ARHGAP20: variants seen among roughly 807,000 people sequenced by gnomAD.
ARHGAP20 encodes the protein rho GTPase-activating protein 20.
In ARHGAP20, 34 loss-of-function variants were observed where a neutral mutation model predicts 73.7. The observed-to-expected ratio is 0.46, with a 90% confidence interval of 0.35 to 0.61. The LOEUF is 0.61. Among genes scored for constraint, ARHGAP20 ranks in the 20% least tolerant of loss-of-function variants. The pLI is 0.00. For synonymous variants in ARHGAP20, 523 were observed against 518.2 expected (o/e 1.01, Z -0.13); for missense variants, 1,314 against 1,420.9 (o/e 0.92, Z 1.21).
intron 2 of ARHGAP20, among the ~76,000 whole-genome samples, chr11:110,663,384 A>G (rs911346015): frequency 2.0e-5 from 3 of 150,226 alleles, no homozygotes; most frequent in Admixed American, 6.7e-5. Flanking sequence ...CATTAATACT[A>G]TAATTACTAA....
intron 12 of ARHGAP20, among the ~76,000 whole-genome samples, chr11:110,585,839 G>C (rs1461056777): frequency 6.6e-6 from 1 of 152,088 alleles, no homozygotes; most frequent in Non-Finnish European, 1.5e-5. Context: ...TACCTTACCA[G>C]ACTGAGTTCC....
At chr11:110,664,642 G>A (rs1414308031) in intron 2 of ARHGAP20, among the ~76,000 whole-genome samples, 1 of 150,598 alleles carries the variant, frequency 6.6e-6, no homozygotes, top group Non-Finnish European at 1.5e-5. Context: ...GCAGGAGAAT[G>A]GCGTGAACCC....
At chr11:110,648,205 ATGTAAATATATATATG>A (rs1391613732) in intron 2 of ARHGAP20, among the ~76,000 whole-genome samples, 1 of 68,498 alleles carries the variant, frequency 1.5e-5, no homozygotes, top group African/African-American at 7.7e-5. Context: ...ATATATATAT[ATGTAAATATATATATG>A]TATATATATA....
chr11:110,711,222 G>A (rs927678725), intron 1 of ARHGAP20, among the ~76,000 whole-genome samples: 26 of 152,092 alleles, frequency 1.7e-4, no homozygotes, highest in Admixed American at 1.7e-3. Flanking sequence ...CAGCGGCCGT[G>A]TTTATCGGAA....
intron 2 of ARHGAP20, among the ~76,000 whole-genome samples, chr11:110,677,788 T>G (rs1420795956): frequency 6.6e-6 from 1 of 152,104 alleles, no homozygotes; most frequent in Non-Finnish European, 1.5e-5. Context: ...TGGTGGGAAT[T>G]TAGAATGGTG....
In ARHGAP20 at chr11:110,712,254, C is replaced by T; in HGVS notation, c.-23G>A. 1 of 1,321,852 alleles carries T rather than the reference C, an allele frequency of 7.6e-7. No homozygotes were observed. The highest frequency in any genetic ancestry group is 2.4e-5 in the South Asian group (1 of 41,428). 81.9% of individuals were successfully genotyped at this position (1,321,852 alleles called of 1,614,324 possible). On this transcript the variant is annotated 5_prime_UTR_variant, in exon 1 of 15. Coordinates refer to ENST00000683387, the MANE Select transcript of ARHGAP20 (RefSeq NM_001384657.1). ...CATGAAGAAAATCTTCAAACAAATC[C>T]CAGCCCAGGAGGAGGCTACACGATC...
intron 2 of ARHGAP20, among the ~76,000 whole-genome samples, chr11:110,678,269 G>T (rs1294063322): frequency 1.3e-5 from 2 of 152,206 alleles, no homozygotes; most frequent in Non-Finnish European, 2.9e-5. Flanking sequence ...CTTTTTTGGG[G>T]ATGAAAATGA....
intron 2 of ARHGAP20, among the ~76,000 whole-genome samples, chr11:110,684,894 A>C (rs530895111): frequency 6.6e-6 from 1 of 151,526 alleles, no homozygotes; most frequent in Non-Finnish European, 1.5e-5. Flanking sequence ...TGAAAACAAA[A>C]GACACTAGGG....
Position 110,580,654 on chromosome 11 carries a change from G to C in ARHGAP20, c.2292C>G (p.Gly764=). The C allele has an allele frequency of 6.2e-7, 1 of 1,614,214 alleles. No homozygotes were observed. The highest frequency in any genetic ancestry group is 1.1e-5 in the South Asian group (1 of 91,080). The part of the protein sequence containing the change: ...KTCFKQSLVT[G]TDVSKKNATT... ...TGGCATTTTTCTTGCTGACATCAGT[G>C]CCTGTGACTAAACTCTGTTTAAAAC... Residue 764 remains glycine, a synonymous_variant, in exon 15 of 15, where the codon GGC becomes GGG. Transcript: ENST00000683387.
chr11:110,608,666 A>G (rs747314255), intron 8 of ARHGAP20, among the ~76,000 whole-genome samples: 3 of 152,292 alleles, frequency 2.0e-5, no homozygotes, highest in Non-Finnish European at 4.4e-5. Flanking sequence ...ATGTATGGAG[A>G]AAAATAAATA....
intron 2 of ARHGAP20, among the ~76,000 whole-genome samples, chr11:110,669,757 C>A (rs971287645): frequency 1.3e-5 from 2 of 152,010 alleles, no homozygotes; most frequent in Admixed American, 6.6e-5. Context: ...TTTGGCAGTT[C>A]GTAATATATA....
chr11:110,584,905 G>C (rs1165640702), intron 12 of ARHGAP20, among the ~76,000 whole-genome samples: 1 of 135,866 alleles, frequency 7.4e-6, no homozygotes, highest in Non-Finnish European at 1.6e-5. Context: ...GAATATATGT[G>C]AATATATATA....
intron 1 of ARHGAP20, among the ~76,000 whole-genome samples, chr11:110,711,024 A>C (rs1950640765): frequency 1.4e-5 from 2 of 147,428 alleles, no homozygotes; most frequent in African/African-American, 5.3e-5. Context: ...AAAAAAAGGC[A>C]AAATATCGGA....
chr11:110,681,315 T>C (rs994428319), intron 2 of ARHGAP20, among the ~76,000 whole-genome samples: 2 of 152,218 alleles, frequency 1.3e-5, no homozygotes, highest in African/African-American at 4.8e-5. Flanking sequence ...AAACCATACC[T>C]AGGTATAGAA....
intron 2 of ARHGAP20, among the ~76,000 whole-genome samples, chr11:110,678,354 T>A (rs1164684090): frequency 2.0e-5 from 3 of 152,240 alleles, no homozygotes; most frequent in Non-Finnish European, 4.4e-5. Flanking sequence ...ACTGGTGAAT[T>A]ATACCATAAG....
intron 4 of ARHGAP20, among the ~76,000 whole-genome samples, chr11:110,619,851 G>C (rs1182585827): frequency 6.6e-6 from 1 of 152,118 alleles, no homozygotes; most frequent in Non-Finnish European, 1.5e-5. Context: ...TGTAGTGATA[G>C]AGATGAAACT....
chr11:110,677,299 G>C (rs186282812), intron 2 of ARHGAP20, among the ~76,000 whole-genome samples: 63 of 152,192 alleles, frequency 4.1e-4, no homozygotes, highest in African/African-American at 1.5e-3. Context: ...CCTCCCAAAA[G>C]ACATACAAAT....
At position 110,642,453 on chromosome 11, in the gene ARHGAP20, T is replaced by C. The variant is rs575942670; in HGVS notation, c.189-11661A>G. 5.9e-5 allele frequency among the ~76,000 whole-genome samples: 9 copies of C among 152,204 alleles called. No individual in the cohort carries two copies. The South Asian group carries it at 1.9e-3, about 32-fold the overall frequency. On this transcript the variant is annotated intron_variant, in intron 2 of 14. Coordinates refer to ENST00000683387, the MANE Select transcript of ARHGAP20 (RefSeq NM_001384657.1). ...CATAGACAGCTCTTATTATTTGAGA[T>C]ATATTCCTTTGATACCGAGCTTGTT...
Position 110,611,378 on chromosome 11 carries a change from A to G in ARHGAP20, c.639T>C (p.Thr213=), listed in dbSNP as rs372437473. ...CTGTATCTGAATTCATTACTGTTAT[A>G]GTTTTAGACTGTAGAAAAAAAATAA... ...KDIGNCAYSK[T]ITVMNSDTAN... is the part of the protein sequence containing the mutation. Residue 213 remains threonine, a synonymous_variant, in exon 7 of 15, where the codon ACT becomes ACC. Coordinates refer to ENST00000683387, the MANE Select transcript of ARHGAP20 (RefSeq NM_001384657.1). The G allele has an allele frequency of 1.1e-5, 16 of 1,502,124 alleles. No homozygotes were observed. The highest frequency in any genetic ancestry group is 1.4e-5 in the Non-Finnish European group (15 of 1,109,958). The allele number at this position is 1,502,124 out of a possible 1,614,324, so 93.0% of individuals were successfully genotyped here.
Sources: gnomAD v4.1 joint callset for allele counts (sites outside exome capture counted in the v4.1 genomes callset) on GRCh38, gnomAD v4.1.1 for gene constraint, MANE v1.5 for transcripts, NCBI Gene and HGNC (gene_info 2026-07-23, HGNC 2026-07-21) for gene names.